MYO1E: variants seen among roughly 807,000 people sequenced by gnomAD.
MYO1E encodes the protein myosin IE, also known as unconventional myosin-Ie.
MYO1E carries 68 observed loss-of-function variants against 151.1 expected under a neutral mutation model. That is an observed-to-expected ratio of 0.45 (90% CI 0.37 to 0.55). The LOEUF (loss-of-function observed/expected upper bound fraction) is 0.55, where lower values mean the gene tolerates loss of function less well. Ranked by LOEUF, MYO1E falls within the 20% of genes least tolerant of loss-of-function variation. The pLI, the probability that MYO1E is intolerant of heterozygous loss-of-function variation, is 0.00. For missense variants in MYO1E, 1,363 were observed against 1,389.3 expected (o/e 0.98, Z 0.30); for synonymous variants, 601 against 501.7 (o/e 1.20, Z -2.64).
intron 26 of MYO1E, among the ~76,000 whole-genome samples, chr15:59,146,057 A>T (rs1212000383): frequency 6.6e-6 from 1 of 151,586 alleles, no homozygotes; most frequent in African/African-American, 2.4e-5. Context: ...TCTTGCTATG[A>T]TGCCCAGGCT....
chr15:59,332,811 C>A (rs966080204), intron 1 of MYO1E, among the ~76,000 whole-genome samples: 1 of 152,056 alleles, frequency 6.6e-6, no homozygotes, highest in Non-Finnish European at 1.5e-5. Context: ...GATCCTCCCA[C>A]CTCGGCCGCC....
intron 1 of MYO1E, among the ~76,000 whole-genome samples, chr15:59,320,626 T>G (rs1596415903): frequency 6.6e-6 from 1 of 152,210 alleles, no homozygotes; most frequent in African/African-American, 2.4e-5. Context: ...GGTGCTTGGC[T>G]AGCCATATGC....
At chr15:59,268,740 T>TTTTTTTTTTC in intron 2 of MYO1E, among the ~76,000 whole-genome samples, 1 of 141,174 alleles carries the variant, frequency 7.1e-6, no homozygotes, top group Non-Finnish European at 1.5e-5. Flanking sequence ...TTTTTTTTTT[T>TTTTTTTTTTC]TGCTTCACTG....
chr15:59,366,230 C>T (rs1402956406), intron 1 of MYO1E, among the ~76,000 whole-genome samples: 3 of 152,132 alleles, frequency 2.0e-5, no homozygotes, highest in Admixed American at 6.5e-5. Context: ...CTGCCCACCT[C>T]GGCCCCCCAA....
intron 5 of MYO1E, among the ~76,000 whole-genome samples, chr15:59,235,352 G>A (rs548727444): frequency 6.6e-5 from 10 of 152,170 alleles, no homozygotes; most frequent in Non-Finnish European, 1.2e-4. Context: ...TGTATACTTC[G>A]AGGGATATGT....
At chr15:59,337,147 T>TTTA (rs1291751353) in intron 1 of MYO1E, among the ~76,000 whole-genome samples, 2 of 152,216 alleles carry the variant, frequency 1.3e-5, no homozygotes, top group Non-Finnish European at 2.9e-5. Flanking sequence ...ATGGAGGTGT[T>TTTA]TTATTATTAT....
rs755470049 is a variant in MYO1E, at chr15:59,297,437, ATTTTTT to A, written c.4-24994_4-24989del. The stretch of plus-strand genomic sequence containing the variant: ...AGGTACGCACCACCACACCCAGCTA[ATTTTTT>A]TTTTTTTTTTTTTTTTTTAGTAGGG... On this transcript the variant is annotated intron_variant, in intron 1 of 27. Coordinates refer to ENST00000288235, the MANE Select transcript of MYO1E (RefSeq NM_004998.4). Among the ~76,000 whole-genome samples the A allele has an allele frequency of 2.0e-3, 125 of 63,488 alleles. 5 individuals are homozygous for A. Among genetic ancestry groups the A allele is most frequent in the Non-Finnish European group, 4.1e-3 (110 of 27,020 alleles). The allele number at this position is 63,488 out of a possible 152,430, so 41.7% of individuals were successfully genotyped here.
intron 10 of MYO1E, 85 bp downstream of exon 10, chr15:59,217,806 G>T: frequency 6.8e-7 from 1 of 1,473,922 alleles, no homozygotes; most frequent in Non-Finnish European, 9.5e-7. Flanking sequence ...GGGATTACAG[G>T]TGTGAGCCAC....
chr15:59,157,785 ACT>A (rs1428919917), intron 25 of MYO1E, among the ~76,000 whole-genome samples: 9 of 152,160 alleles, frequency 5.9e-5, no homozygotes, highest in African/African-American at 2.2e-4. Context: ...TTTGTGGAAA[ACT>A]CAAACTGGAA....
At chr15:59,360,845 A>G (rs1378403197) in intron 1 of MYO1E, among the ~76,000 whole-genome samples, 1 of 152,218 alleles carries the variant, frequency 6.6e-6, no homozygotes, top group African/African-American at 2.4e-5. Flanking sequence ...CCTGCCTCCA[A>G]GTATTCCCGC....
intron 1 of MYO1E, among the ~76,000 whole-genome samples, chr15:59,369,165 C>A (rs2080930943): frequency 6.6e-6 from 1 of 152,186 alleles, no homozygotes; most frequent in South Asian, 2.1e-4. Flanking sequence ...ACATGCCATG[C>A]CATCACCTAA....
chr15:59,250,632 G>A (rs1365724156), intron 4 of MYO1E, among the ~76,000 whole-genome samples: 7 of 152,096 alleles, frequency 4.6e-5, no homozygotes, highest in Non-Finnish European at 5.9e-5. Context: ...TGGCGGGGGC[G>A]GGGGGTAGTG....
intron 14 of MYO1E, chr15:59,207,574 T>G (rs777355881): frequency 1.2e-6 from 2 of 1,614,152 alleles, no homozygotes; most frequent in Non-Finnish European, 1.7e-6. Flanking sequence ...TGGAAGCGGC[T>G]GTAATCTGGA....
rs979980942 is a variant in MYO1E at position 59,157,907 on chromosome 15, C to T, written c.2878+380G>A. ...CTGCTGTAGTGGTATTTGGCCGGAG[C>T]TGGGTAGTGGTGGTGGGGTTAGACC... On this transcript the variant is annotated intron_variant, in intron 25 of 27. Coordinates refer to ENST00000288235, the MANE Select transcript of MYO1E (RefSeq NM_004998.4). 2.0e-5 allele frequency among the ~76,000 whole-genome samples: 3 copies of T among 152,316 alleles called. No individual in the cohort carries two copies. The South Asian group carries it at 6.2e-4, about 32-fold the overall frequency.
chr15:59,225,354 C>G (rs2079983309), intron 7 of MYO1E, among the ~76,000 whole-genome samples: 1 of 152,208 alleles, frequency 6.6e-6, no homozygotes, highest in Non-Finnish European at 1.5e-5. Context: ...GGCTATTTTT[C>G]AGTGCCTAAA....
chr15:59,240,808 A>G (rs2080095203), intron 4 of MYO1E, among the ~76,000 whole-genome samples: 1 of 152,212 alleles, frequency 6.6e-6, no homozygotes, highest in Non-Finnish European at 1.5e-5. Context: ...GTGGTTTAAA[A>G]AGGACAAACA....
intron 15 of MYO1E, among the ~76,000 whole-genome samples, chr15:59,203,135 A>G (rs1212297294): frequency 6.6e-6 from 1 of 152,228 alleles, no homozygotes; most frequent in African/African-American, 2.4e-5. Context: ...GCTTTGCTCT[A>G]GAGCAGAGTT....
At chr15:59,360,985 T>C (rs1435438971) in intron 1 of MYO1E, among the ~76,000 whole-genome samples, 5 of 152,214 alleles carry the variant, frequency 3.3e-5, no homozygotes, top group Non-Finnish European at 7.3e-5. Context: ...ATAGCAAGCA[T>C]GACGCAAGCA....
chr15:59,140,813 C>T (rs1285537458), intron 26 of MYO1E, among the ~76,000 whole-genome samples: 4 of 152,170 alleles, frequency 2.6e-5, no homozygotes, highest in South Asian at 2.1e-4. Flanking sequence ...CCCTGAGACT[C>T]GGCTTTTACA....
Sources: allele counts gnomAD v4.1 joint callset (sites outside exome capture counted in the v4.1 genomes callset), GRCh38; gene constraint gnomAD v4.1.1; transcripts MANE v1.5; gene names NCBI Gene and HGNC (gene_info 2026-07-23, HGNC 2026-07-21).